Variants in PARN observed in about 807,000 individuals in gnomAD.
The protein encoded by PARN is poly(A)-specific ribonuclease PARN.
Under a neutral mutation model 102.8 loss-of-function variants are expected in PARN, and 71 were observed. The ratio of observed to expected loss-of-function variants is 0.69; its 90% CI spans 0.57 to 0.84. The LOEUF (loss-of-function observed/expected upper bound fraction) is 0.84, where lower values mean the gene tolerates loss of function less well. Among genes scored for constraint, PARN ranks in the 40% least tolerant of loss-of-function variants. The probability of loss-of-function intolerance (pLI) is 0.00; values close to 1 mark genes in which losing one functional copy is unlikely to be tolerated. For missense variants in PARN, 782 were observed against 760.9 expected (o/e 1.03, Z -0.33); for synonymous variants, 261 against 252.9 (o/e 1.03, Z -0.30).
In PARN at chr16:14,610,792, G is replaced by A; in HGVS notation, c.406C>T (p.Gln136Ter). The A allele has an allele frequency of 6.2e-7, 1 of 1,606,926 alleles. No individual in the cohort carries two copies. The highest frequency in any genetic ancestry group is 8.5e-7 in the Non-Finnish European group (1 of 1,174,252). The change falls in exon 7 of 24, where the codon CAG becomes TAG. Residue 136 changes from glutamine to a stop codon, truncating the protein, a stop_gained. Transcript: ENST00000437198. LOFTEE classifies it high-confidence loss of function. ...TCTCTTAACTGTCTTTCTTCTTCCT[G>A]ATTTAAATATGGAATTCCTAAACAC... is the stretch of plus-strand genomic sequence containing the variant. Reference protein sequence around the residue: ...VFRNGIPYLNQEEERQLREQY... With the variant: ...VFRNGIPYLN
chr16:14,455,794 C>T (rs1174584646), intron 22 of PARN, among the ~76,000 whole-genome samples: 2 of 152,244 alleles, frequency 1.3e-5, no homozygotes, highest in Non-Finnish European at 2.9e-5. Context: ...GACCCCTTCT[C>T]TCCTACATGT....
At chr16:14,539,474 A>G (rs1966757725) in intron 21 of PARN, among the ~76,000 whole-genome samples, 1 of 152,248 alleles carries the variant, frequency 6.6e-6, no homozygotes, top group Non-Finnish European at 1.5e-5. Flanking sequence ...TCACGCTCTT[A>G]AATCTGTCTG....
Position 14,475,049 on chromosome 16 carries a change from T to A in PARN, c.1670+7589A>T, listed in dbSNP as rs141382574. Among the ~76,000 whole-genome samples the A allele has an allele frequency of 1.7e-3, 255 of 152,286 alleles. 2 individuals are homozygous for A. The highest frequency in any genetic ancestry group is 5.9e-3 in the African/African-American group (246 of 41,554). ...ATTAGCATTTCCTACCTAGCAGGAA[T>A]TCGGAGAGCTACTCAATTTTCAAGG... On this transcript the variant is annotated intron_variant, in intron 22 of 23. Coordinates refer to ENST00000437198, the MANE Select transcript of PARN (RefSeq NM_002582.4).
intron 21 of PARN, among the ~76,000 whole-genome samples, chr16:14,498,789 C>T (rs915239102): frequency 2.0e-5 from 3 of 152,096 alleles, no homozygotes; most frequent in Non-Finnish European, 4.4e-5. Context: ...TATTTGACTT[C>T]GAAAAAGAGT....
chr16:14,520,223 G>A (rs1192025302), intron 21 of PARN, among the ~76,000 whole-genome samples: 1 of 152,192 alleles, frequency 6.6e-6, no homozygotes. Context: ...GGGCAGAAGA[G>A]AGACACACTG....
chr16:14,616,644 T>G (rs1021013454), intron 6 of PARN, among the ~76,000 whole-genome samples: 2 of 150,814 alleles, frequency 1.3e-5, no homozygotes, highest in Non-Finnish European at 3.0e-5. Flanking sequence ...CTTGGGAGGG[T>G]GAGGTGGGAG....
intron 5 of PARN, among the ~76,000 whole-genome samples, chr16:14,624,030 C>T (rs1022256093): frequency 6.6e-6 from 1 of 152,310 alleles, no homozygotes; most frequent in East Asian, 1.9e-4. Flanking sequence ...GACTGCCCTA[C>T]TATTCTACAA....
At chr16:14,603,942 C>T (rs1049803980) in intron 11 of PARN, among the ~76,000 whole-genome samples, 5 of 152,236 alleles carry the variant, frequency 3.3e-5, no homozygotes, top group African/African-American at 7.2e-5. Context: ...TCATCAGTGA[C>T]GTCAGACTCA....
In PARN at chr16:14,448,180, G is replaced by A. The variant is rs536409705; in HGVS notation, c.1671-1099C>T. Reference sequence around the variant, plus strand: ...TTTTTTTTCCCTGAGACAGAGTCTCGCTCTGTCCCCCAGGCTGGAGTGCAG... The same window carrying A: ...TTTTTTTTCCCTGAGACAGAGTCTCACTCTGTCCCCCAGGCTGGAGTGCAG... On this transcript the variant is annotated intron_variant, in intron 22 of 23. Coordinates refer to ENST00000437198, the MANE Select transcript of PARN (RefSeq NM_002582.4). 5.3e-5 allele frequency among the ~76,000 whole-genome samples: 8 copies of A among 151,060 alleles called. No homozygotes were observed. In the East Asian group the frequency reaches 1.2e-3, roughly 22 times the overall value.
At chr16:14,580,827 G>T in intron 18 of PARN, 47 bp downstream of exon 18, 1 of 1,130,878 alleles carries the variant, frequency 8.8e-7, no homozygotes, top group Non-Finnish European at 1.3e-6. Context: ...ATATGAGGCT[G>T]TTCCACAGTG....
intron 5 of PARN, among the ~76,000 whole-genome samples, chr16:14,625,321 A>C (rs1056851493): frequency 5.3e-5 from 8 of 152,110 alleles, no homozygotes; most frequent in Admixed American, 4.6e-4. Context: ...AACATGGAGA[A>C]GCCTCACCTC....
rs777806186 is a variant in PARN, at chr16:14,436,756, G to T, written c.1881C>A (p.Asn627Lys). 3.8e-6 allele frequency: 6 copies of T among 1,594,802 alleles called. No individual in the cohort carries two copies. In the South Asian group the frequency reaches 6.9e-5, roughly 18 times the overall value. Reference protein sequence around the residue: ...ELSPAGSISKNSPATLFEVPD... With the variant: ...ELSPAGSISKKSPATLFEVPD... ...GAACTTCAAAGAGTGTGGCAGGGCT[G>T]TTCTTCGAGATGCTTCCTGGTGGGA... is the stretch of plus-strand genomic sequence containing the variant. The change falls in exon 24 of 24, where the codon AAC (asparagine) becomes AAA (lysine). Residue 627 changes from asparagine (N) to lysine (K), a missense_variant. By Grantham distance (94) the Asn-to-Lys change is moderately conservative. Coordinates refer to ENST00000437198, the MANE Select transcript of PARN (RefSeq NM_002582.4).
At position 14,593,492 on chromosome 16, in the gene PARN, T is replaced by A. The variant is rs867893487; in HGVS notation, c.841-114A>T. 1,785 of 31,802 alleles carry A rather than the reference T, an allele frequency of 0.056. 32 individuals carry two copies. Among genetic ancestry groups the A allele is most frequent in the Middle Eastern group, 0.17 (11 of 64 alleles). The allele number at this position is 31,802 out of a possible 1,614,324, so 2.0% of individuals were successfully genotyped here. ...TTGTACTAAACTCGCTTTCCAGACT[T>A]AAAAAAAAAAAAAAAAAAAAAAAAA... is the stretch of plus-strand genomic sequence containing the variant. On this transcript the variant is annotated intron_variant, in intron 12 of 23. Transcript: ENST00000437198.
At chr16:14,460,787 A>G (rs968882055) in intron 22 of PARN, among the ~76,000 whole-genome samples, 2 of 152,230 alleles carry the variant, frequency 1.3e-5, no homozygotes, top group African/African-American at 4.8e-5. Context: ...ATAACAAATA[A>G]GAGACAAATC....
intron 14 of PARN, among the ~76,000 whole-genome samples, 190 bp downstream of exon 14, chr16:14,586,128 C>A (rs1267335537): frequency 1.3e-5 from 2 of 151,862 alleles, no homozygotes; most frequent in African/African-American, 2.4e-5. Flanking sequence ...ACACGTATCC[C>A]ACCACACCCA....
At chr16:14,500,360 G>C (rs550290981) in intron 21 of PARN, among the ~76,000 whole-genome samples, 1 of 152,244 alleles carries the variant, frequency 6.6e-6, no homozygotes, top group African/African-American at 2.4e-5. Context: ...GCCCAGGCTA[G>C]AATGGTTTCT....
At chr16:14,508,584 G>A (rs934344832) in intron 21 of PARN, among the ~76,000 whole-genome samples, 1 of 151,696 alleles carries the variant, frequency 6.6e-6, no homozygotes, top group Non-Finnish European at 1.5e-5. Flanking sequence ...TTATAAAAAC[G>A]AAACTTTAAA....
At chr16:14,551,917 A>G (rs1235258669) in intron 21 of PARN, 104 bp downstream of exon 21, 1 of 665,552 alleles carries the variant, frequency 1.5e-6, no homozygotes, top group African/African-American at 1.8e-5. Flanking sequence ...CGAGGCAGCA[A>G]TGAGTGTAAG....
In PARN at chr16:14,624,478, A is replaced by G. The variant is rs1972517097; in HGVS notation, c.327+2628T>C. On this transcript the variant is annotated intron_variant, in intron 5 of 23. Coordinates refer to ENST00000437198, the MANE Select transcript of PARN (RefSeq NM_002582.4). Reference sequence around the variant, plus strand: ...TCTCTGGGCTATCTTCAAGTCTATGATAGCTTTTTTTAAAGGAGTGGCTGG... The same window carrying G: ...TCTCTGGGCTATCTTCAAGTCTATGGTAGCTTTTTTTAAAGGAGTGGCTGG... Among the ~76,000 whole-genome samples the G allele has an allele frequency of 2.6e-5, 4 of 152,254 alleles. No homozygotes were observed. The South Asian group carries it at 8.3e-4, about 32-fold the overall frequency.
Sources: gnomAD v4.1 joint callset for allele counts (sites outside exome capture counted in the v4.1 genomes callset) on GRCh38, gnomAD v4.1.1 for gene constraint, MANE v1.5 for transcripts, NCBI Gene and HGNC (gene_info 2026-07-23, HGNC 2026-07-21) for gene names.